Variants in CRIM1 observed in about 807,000 individuals in gnomAD.
The protein encoded by CRIM1 is cysteine rich transmembrane BMP regulator 1.
In CRIM1, 32 loss-of-function variants were observed where a neutral mutation model predicts 116.4. The ratio of observed to expected loss-of-function variants is 0.27; its 90% confidence interval spans 0.21 to 0.37. The LOEUF is 0.37. Among genes scored for constraint, CRIM1 ranks in the 10% least tolerant of loss-of-function variants. The pLI is 1.00. For synonymous variants in CRIM1, 590 were observed against 509.2 expected (o/e 1.16, Z -2.13); for missense variants, 1,331 against 1,354.8 (o/e 0.98, Z 0.28).
At chr2:36,543,858 C>CTTA (rs1254994255) in intron 14 of CRIM1, among the ~76,000 whole-genome samples, 1 of 151,948 alleles carries the variant, frequency 6.6e-6, no homozygotes, top group Non-Finnish European at 1.5e-5. Flanking sequence ...ACATCTGAGA[C>CTTA]TTATACTCAT....
At chr2:36,457,971 A>G (rs1407109282) in intron 4 of CRIM1, among the ~76,000 whole-genome samples, 1 of 152,130 alleles carries the variant, frequency 6.6e-6, no homozygotes, top group Non-Finnish European at 1.5e-5. Flanking sequence ...CTCCTCATTT[A>G]TCCTTGTTTC....
In CRIM1 at chr2:36,498,479, T is replaced by C. The variant is rs997561536; in HGVS notation, c.1373-740T>C. 2.0e-5 allele frequency among the ~76,000 whole-genome samples: 3 copies of C among 152,252 alleles called. No homozygotes were observed. The South Asian group carries it at 6.2e-4, about 32-fold the overall frequency. ...TTAAACCTTATATAAATACATAATATGCTTTATGTAAGTATATGTAGTTAC... is the reference window on the plus strand; with the variant it reads ...TTAAACCTTATATAAATACATAATACGCTTTATGTAAGTATATGTAGTTAC... On this transcript the variant is annotated intron_variant, in intron 7 of 16. Transcript: ENST00000280527.
rs778967172 is a variant in CRIM1, at chr2:36,509,984, C to T, written c.1503C>T (p.Thr501=). The change falls in exon 9 of 17, where the codon ACC becomes ACT. Residue 501 remains threonine (T), a splice_region_variant and synonymous_variant. Transcript: ENST00000280527. ...CATGCCGTCTCTGTGTCTTCACAGC[C>T]GAGGAACTATGTTCAGAACGTAAAC... ...NGCRTCQCIN[T]EELCSERKQG... 5.0e-6 allele frequency: 8 copies of T among 1,613,102 alleles called. No homozygotes were observed. Among genetic ancestry groups the T allele is most frequent in the African/African-American group, 2.7e-5 (2 of 74,888 alleles).
intron 1 of CRIM1, among the ~76,000 whole-genome samples, chr2:36,388,560 A>C (rs914623237): frequency 6.6e-6 from 1 of 152,096 alleles, no homozygotes; most frequent in Non-Finnish European, 1.5e-5. Flanking sequence ...GAGCTTAGAG[A>C]GCTAAATGCC....
chr2:36,407,407 A>G (rs1672891388), intron 2 of CRIM1, among the ~76,000 whole-genome samples: 1 of 152,196 alleles, frequency 6.6e-6, no homozygotes, highest in Non-Finnish European at 1.5e-5. Context: ...ATTTACGTTG[A>G]CAGTTAATAT....
rs747547960 is a variant in CRIM1 at position 36,464,527 on chromosome 2, G to A, written c.870-7G>A. On this transcript the variant is annotated splice_region_variant and splice_polypyrimidine_tract_variant and intron_variant, in intron 4 of 16. Coordinates refer to ENST00000280527, the MANE Select transcript of CRIM1 (RefSeq NM_016441.3). ...TGGGGTTTTCCTTCCCTTTTCTTTGGTTTCAGATGCGAGTGTCTCTCTGGC... is the reference window on the plus strand; with the variant it reads ...TGGGGTTTTCCTTCCCTTTTCTTTGATTTCAGATGCGAGTGTCTCTCTGGC... 3 of 1,613,832 alleles carry A rather than the reference G, an allele frequency of 1.9e-6. No individual in the cohort carries two copies. In the South Asian group the frequency reaches 3.3e-5, roughly 18 times the overall value.
chr2:36,396,557 A>G, intron 1 of CRIM1, 57 bp from the exon 2 acceptor site: 1 of 1,235,262 alleles, frequency 8.1e-7, no homozygotes, highest in Non-Finnish European at 1.1e-6. Flanking sequence ...TTGCCCGCGA[A>G]CAGGCCTTTG....
At chr2:36,392,096 C>T (rs1671658127) in intron 1 of CRIM1, among the ~76,000 whole-genome samples, 1 of 152,124 alleles carries the variant, frequency 6.6e-6, no homozygotes, top group African/African-American at 2.4e-5. Flanking sequence ...CAGAGCTTGT[C>T]ATGAGAAAAA....
intron 13 of CRIM1, among the ~76,000 whole-genome samples, chr2:36,536,635 A>G (rs896352109): frequency 6.6e-6 from 1 of 152,134 alleles, no homozygotes; most frequent in African/African-American, 2.4e-5. Flanking sequence ...ACACCAGGAA[A>G]AGGCGTTGAG....
At chr2:36,488,569 A>G (rs1429840445) in intron 7 of CRIM1, among the ~76,000 whole-genome samples, 1 of 152,180 alleles carries the variant, frequency 6.6e-6, no homozygotes, top group Non-Finnish European at 1.5e-5. Context: ...GAAAGCATGC[A>G]TTTTGTTTTA....
intron 2 of CRIM1, among the ~76,000 whole-genome samples, chr2:36,418,067 C>G (rs937067709): frequency 6.6e-6 from 1 of 152,166 alleles, no homozygotes; most frequent in Non-Finnish European, 1.5e-5. Context: ...TGAGCACTGA[C>G]TATGCTTTCA....
intron 4 of CRIM1, among the ~76,000 whole-genome samples, chr2:36,443,224 A>G (rs926761443): frequency 6.6e-6 from 1 of 152,190 alleles, no homozygotes; most frequent in Non-Finnish European, 1.5e-5. Context: ...TTTCTGGAAT[A>G]ACAAACACAT....
chr2:36,444,136 C>T (rs1350042410), intron 4 of CRIM1, among the ~76,000 whole-genome samples: 6 of 152,124 alleles, frequency 3.9e-5, no homozygotes, highest in African/African-American at 1.2e-4. Flanking sequence ...AAAACTAAGC[C>T]GGTTGTTAAC....
chr2:36,366,016 G>A (rs558257928), intron 1 of CRIM1, among the ~76,000 whole-genome samples: 13 of 152,144 alleles, frequency 8.5e-5, no homozygotes, highest in Non-Finnish European at 1.9e-4. Flanking sequence ...GTGAGCCACC[G>A]CGCCCAGCCC....
chr2:36,517,368 A>G lies in CRIM1; in HGVS notation c.2032A>G (p.Ile678Val), dbSNP rs759119452. Residue 678 changes from isoleucine to valine, a missense_variant, in exon 12 of 17, where the codon ATT becomes GTT. Physicochemically the swap from Ile to Val is conservative, Grantham distance 29. Around this residue, in one of 3 missense-constraint regions of CRIM1, gnomAD observed 358 missense variants for 436.1 expected, o/e 0.82. Coordinates refer to ENST00000280527, the MANE Select transcript of CRIM1 (RefSeq NM_016441.3). ...VQKPELSTPS[I>V]CHAPGGEYFV... Reference sequence around the variant, plus strand: ...GAAGCCAGAGCTCAGTACTCCCTCCATTTGCCACGCCCCTGGAGGAGAATA... The same window carrying G: ...GAAGCCAGAGCTCAGTACTCCCTCCGTTTGCCACGCCCCTGGAGGAGAATA... 3 of 1,614,152 alleles carry G rather than the reference A, an allele frequency of 1.9e-6. No individual in the cohort carries two copies. Among genetic ancestry groups the G allele is most frequent in the East Asian group, 2.2e-5 (1 of 44,880 alleles).
At chr2:36,488,631 C>T (rs1680006422) in intron 7 of CRIM1, among the ~76,000 whole-genome samples, 1 of 152,196 alleles carries the variant, frequency 6.6e-6, no homozygotes, top group East Asian at 1.9e-4. Context: ...TTTTATTTAC[C>T]ATTTATATCT....
At chr2:36,497,170 G>GT (rs1423700110) in intron 7 of CRIM1, among the ~76,000 whole-genome samples, 1 of 152,140 alleles carries the variant, frequency 6.6e-6, no homozygotes, top group Non-Finnish European at 1.5e-5. Context: ...GAAGATTTTG[G>GT]TATGTGTAGA....
In CRIM1 at chr2:36,356,061, G is replaced by A. The variant is rs1388926724; in HGVS notation, c.-232G>A. 1 of 154,208 alleles carries A rather than the reference G, an allele frequency of 6.5e-6. No individual in the cohort carries two copies. Among genetic ancestry groups the A allele is most frequent in the African/African-American group, 2.4e-5 (1 of 41,344 alleles). The allele number at this position is 154,208 out of a possible 1,614,324, so 9.6% of individuals were successfully genotyped here. On this transcript the variant is annotated 5_prime_UTR_variant, in exon 1 of 17. Coordinates refer to ENST00000280527, the MANE Select transcript of CRIM1 (RefSeq NM_016441.3). This position sits in a 1 kb window ranked among gnomAD's most constrained non-coding sequence, Gnocchi z 4.3. ...CTCCCGGGAGGAGGAGGAGGAGGAG[G>A]AGGGGAAGCTGCCGCCGGCGCCAAG...
intron 2 of CRIM1, among the ~76,000 whole-genome samples, chr2:36,402,126 C>A (rs761150262): frequency 6.6e-6 from 1 of 152,062 alleles, no homozygotes; most frequent in Non-Finnish European, 1.5e-5. Context: ...CTTGAGAGAG[C>A]CTGATGGTCA....
Sources: allele counts gnomAD v4.1 joint callset (sites outside exome capture counted in the v4.1 genomes callset), GRCh38; gene constraint gnomAD v4.1.1; regional missense constraint gnomAD v4.1.1; non-coding constraint Gnocchi (gnomAD v3.1); transcripts MANE v1.5; gene names NCBI Gene and HGNC (gene_info 2026-07-23, HGNC 2026-07-21).